The following STEAP2 variants were observed in gnomAD, a reference collection of about 807,000 sequenced individuals.
STEAP2 encodes the protein metalloreductase STEAP2.
A neutral mutation model predicts 46.4 loss-of-function variants in STEAP2; 30 were observed. The ratio of observed to expected loss-of-function variants is 0.65; its 90% confidence interval spans 0.48 to 0.88. STEAP2 has a LOEUF of 0.88. STEAP2 is among the 40% of genes least tolerant of loss of function. The pLI, the probability that STEAP2 is intolerant of heterozygous loss-of-function variation, is 0.00. For synonymous variants in STEAP2, 180 were observed against 200.5 expected (o/e 0.90, Z 0.86); for missense variants, 513 against 579.3 (o/e 0.89, Z 1.18).
chr7:90,233,836 C>CTTTAT lies in STEAP2; in HGVS notation c.*1212_*1213insTTTAT, dbSNP rs1319520902. 78 of 985,170 alleles carry CTTTAT rather than the reference C, an allele frequency of 7.9e-5. No homozygotes were observed. Among genetic ancestry groups the CTTTAT allele is most frequent in the Non-Finnish European group, 9.0e-5 (75 of 829,920 alleles). 61.0% of individuals were successfully genotyped at this position (985,170 alleles called of 1,614,324 possible). On this transcript the variant is annotated 3_prime_UTR_variant, in exon 6 of 6. Coordinates refer to ENST00000394621, the MANE Select transcript of STEAP2 (RefSeq NM_001244944.2). ...AGATGCTTCCTCTTTTGTATAAAGT[C>CTTTAT]ACTGACATTCTTTAGAGTGGGTTGG... is the stretch of plus-strand genomic sequence containing the variant.
In STEAP2 at chr7:90,233,786, T is replaced by C. The variant is rs1267051900; in HGVS notation, c.*1162T>C. ...CTCTAGAGCTCCCGCCGCGCCCCTATGCATTATGTTCACAATGCCAATCTA... is the reference window on the plus strand; with the variant it reads ...CTCTAGAGCTCCCGCCGCGCCCCTACGCATTATGTTCACAATGCCAATCTA... On this transcript the variant is annotated 3_prime_UTR_variant, in exon 6 of 6. Coordinates refer to ENST00000394621, the MANE Select transcript of STEAP2 (RefSeq NM_001244944.2). 4 of 985,434 alleles carry C rather than the reference T, an allele frequency of 4.1e-6. No homozygotes were observed. The highest frequency in any genetic ancestry group is 4.8e-6 in the Non-Finnish European group (4 of 829,940). 61.0% of individuals were successfully genotyped at this position (985,434 alleles called of 1,614,324 possible).
chr7:90,233,756 C>T lies in STEAP2; in HGVS notation c.*1132C>T, dbSNP rs1427396817. ...ATTCCAGAGGCCACGGTTTTAACCA[C>T]TAGGCTCTAGAGCTCCCGCCGCGCC... On this transcript the variant is annotated 3_prime_UTR_variant, in exon 6 of 6. Coordinates refer to ENST00000394621, the MANE Select transcript of STEAP2 (RefSeq NM_001244944.2). The T allele has an allele frequency of 6.1e-6, 6 of 985,238 alleles. No homozygotes were observed. In the Admixed American group the frequency reaches 3.7e-4, roughly 61 times the overall value. 61.0% of individuals were successfully genotyped at this position (985,238 alleles called of 1,614,324 possible). A position where few individuals can be genotyped will look rare whatever the true frequency, so the allele number is the denominator to read the frequency against.
Position 90,236,834 on chromosome 7 carries a change from G to T in STEAP2, c.*4210G>T. ...TTAAATCACAAAAGCAGATGCTTTT[G>T]TATGATCTCCAAATTGCCAACTTTA... On this transcript the variant is annotated 3_prime_UTR_variant, in exon 6 of 6. Coordinates refer to ENST00000394621, the MANE Select transcript of STEAP2 (RefSeq NM_001244944.2). 2 of 1,608,052 alleles carry T rather than the reference G, an allele frequency of 1.2e-6. No homozygotes were observed. Among genetic ancestry groups the T allele is most frequent in the Non-Finnish European group, 1.7e-6 (2 of 1,177,248 alleles).
chr7:90,235,300 T>A lies in STEAP2; in HGVS notation c.*2676T>A, dbSNP rs1485340988. On this transcript the variant is annotated 3_prime_UTR_variant, in exon 6 of 6. Transcript: ENST00000394621. Reference sequence around the variant, plus strand: ...TACAAAAACAGAATAATTTTGAAGTTTTAGAATAAATGTAATATATTTACT... The same window carrying A: ...TACAAAAACAGAATAATTTTGAAGTATTAGAATAAATGTAATATATTTACT... 1.0e-6 allele frequency: 1 copy of A among 965,966 alleles called. No individual in the cohort carries two copies. The highest frequency in any genetic ancestry group is 1.2e-6 in the Non-Finnish European group (1 of 812,178). The allele number at this position is 965,966 out of a possible 1,614,324, so 59.8% of individuals were successfully genotyped here.
At chr7:90,223,461 T>A (rs1020861047) in intron 2 of STEAP2, among the ~76,000 whole-genome samples, 1 of 152,242 alleles carries the variant, frequency 6.6e-6, no homozygotes, top group Non-Finnish European at 1.5e-5. Flanking sequence ...AGGGCAATTA[T>A]ACCTTTTACA....
At position 90,234,845 on chromosome 7, in the gene STEAP2, C is replaced by T. The variant is rs1195470932; in HGVS notation, c.*2221C>T. On this transcript the variant is annotated 3_prime_UTR_variant, in exon 6 of 6. Coordinates refer to ENST00000394621, the MANE Select transcript of STEAP2 (RefSeq NM_001244944.2). ...GGGATTACAGGTGTGAGCTACCGCG[C>T]CCGGCCTATTATCTTGTACTTTCTA... is the stretch of plus-strand genomic sequence containing the variant. 3 of 984,788 alleles carry T rather than the reference C, an allele frequency of 3.0e-6. No individual in the cohort carries two copies. Among genetic ancestry groups the T allele is most frequent in the South Asian group, 4.7e-5 (1 of 21,268 alleles). The allele number at this position is 984,788 out of a possible 1,614,324, so 61.0% of individuals were successfully genotyped here.
chr7:90,242,525 C>T (rs1471911744), downstream of STEAP2, among the ~76,000 whole-genome samples: 1 of 152,200 alleles, frequency 6.6e-6, no homozygotes, highest in Non-Finnish European at 1.5e-5. Flanking sequence ...GATGACCACA[C>T]AAAGGATATG....
Position 90,233,278 on chromosome 7 carries a change from C to A in STEAP2, c.*654C>A, listed in dbSNP as rs778459079. ...TGAAATACATACTGATAATACATAC[C>A]TCATGAAAGATTTTATTCTTTATTG... is the stretch of plus-strand genomic sequence containing the variant. On this transcript the variant is annotated 3_prime_UTR_variant, in exon 6 of 6. Transcript: ENST00000394621. 5.3e-6 allele frequency: 5 copies of A among 945,170 alleles called. No homozygotes were observed. Among genetic ancestry groups the A allele is most frequent in the Non-Finnish European group, 6.3e-6 (5 of 793,620 alleles). 58.5% of individuals were successfully genotyped at this position (945,170 alleles called of 1,614,324 possible).
chr7:90,212,646 G>A (rs1311644073), intron 1 of STEAP2, among the ~76,000 whole-genome samples: 1 of 152,160 alleles, frequency 6.6e-6, no homozygotes, highest in Admixed American at 6.5e-5. Flanking sequence ...AGAGCAGAGA[G>A]ATAAAGAGCA....
Position 90,229,536 on chromosome 7 carries a change from C to T in STEAP2, c.1021-336C>T, listed in dbSNP as rs577807976. Reference sequence around the variant, plus strand: ...CAAAACTAAGTTTAACTGTCAGTAACTTCTTTTGTGTCACCCTAGAACCAA... The same window carrying T: ...CAAAACTAAGTTTAACTGTCAGTAATTTCTTTTGTGTCACCCTAGAACCAA... On this transcript the variant is annotated intron_variant, in intron 4 of 5. Coordinates refer to ENST00000394621, the MANE Select transcript of STEAP2 (RefSeq NM_001244944.2). Among the ~76,000 whole-genome samples, 18 of 152,234 alleles carry T rather than the reference C, an allele frequency of 1.2e-4. No homozygotes were observed. The South Asian group carries it at 3.5e-3, about 30-fold the overall frequency.
chr7:90,224,985 T>G, intron 2 of STEAP2, 65 bp from the exon 3 acceptor site: 2 of 1,343,298 alleles, frequency 1.5e-6, no homozygotes, highest in Non-Finnish European at 1.0e-6. Flanking sequence ...GACATTACAA[T>G]GTCTAGAAGT....
At chr7:90,218,998 A>G (rs1795140735) in intron 2 of STEAP2, among the ~76,000 whole-genome samples, 1 of 151,678 alleles carries the variant, frequency 6.6e-6, no homozygotes, top group East Asian at 1.9e-4. Context: ...CCTTGGTTAA[A>G]TATATTCCTA....
Position 90,232,687 on chromosome 7 carries a change from T to C in STEAP2, c.*63T>C. The C allele has an allele frequency of 6.7e-7, 1 of 1,486,340 alleles. No individual in the cohort carries two copies. The highest frequency in any genetic ancestry group is 1.5e-5 in the South Asian group (1 of 67,434). The allele number at this position is 1,486,340 out of a possible 1,614,324, so 92.1% of individuals were successfully genotyped here. On this transcript the variant is annotated 3_prime_UTR_variant, in exon 6 of 6. Coordinates refer to ENST00000394621, the MANE Select transcript of STEAP2 (RefSeq NM_001244944.2). The stretch of plus-strand genomic sequence containing the variant: ...CTCATGCCATTATTTTTATGACTTC[T>C]ACGTTCAGTTACAAGTATGCTGTCA...
chr7:90,220,075 G>C (rs138380503), intron 2 of STEAP2, among the ~76,000 whole-genome samples: 133 of 152,266 alleles, frequency 8.7e-4, no homozygotes, highest in Non-Finnish European at 1.7e-3. Context: ...GTGCTCATCA[G>C]GAATAATAGT....
rs1399462751 is a variant in STEAP2 at position 90,236,977 on chromosome 7, C to G, written c.*4353C>G. ...CTCTACTTCTTTAAAAGCGGCTGCC[C>G]ATTACATTCCTCAGCTGTCCTTGCA... On this transcript the variant is annotated 3_prime_UTR_variant, in exon 6 of 6. Transcript: ENST00000394621. 6.2e-7 allele frequency: 1 copy of G among 1,613,140 alleles called. No individual in the cohort carries two copies. The highest frequency in any genetic ancestry group is 1.7e-5 in the Admixed American group (1 of 59,964).
At position 90,235,809 on chromosome 7, in the gene STEAP2, A is replaced by G; in HGVS notation, c.*3185A>G. The G allele has an allele frequency of 1.3e-6, 1 of 751,908 alleles. No individual in the cohort carries two copies. Among genetic ancestry groups the G allele is most frequent in the East Asian group, 1.3e-4 (1 of 7,742 alleles). The allele number at this position is 751,908 out of a possible 1,614,324, so 46.6% of individuals were successfully genotyped here. ...TGGAAATTTAGCCCAGATTGTCTAC[A>G]TATAAGGTTTTTATTTGAATTGTAA... On this transcript the variant is annotated 3_prime_UTR_variant, in exon 6 of 6. Coordinates refer to ENST00000394621, the MANE Select transcript of STEAP2 (RefSeq NM_001244944.2).
In STEAP2 at chr7:90,233,732, T is replaced by G; in HGVS notation, c.*1108T>G. ...GAGCATTCAAGTCCAGGTAGTCATA[T>G]TCCAGAGGCCACGGTTTTAACCACT... On this transcript the variant is annotated 3_prime_UTR_variant, in exon 6 of 6. Coordinates refer to ENST00000394621, the MANE Select transcript of STEAP2 (RefSeq NM_001244944.2). 1.0e-6 allele frequency: 1 copy of G among 983,460 alleles called. No homozygotes were observed. The highest frequency in any genetic ancestry group is 1.1e-4 in the East Asian group (1 of 8,798). 60.9% of individuals were successfully genotyped at this position (983,460 alleles called of 1,614,324 possible). A position where few individuals can be genotyped will look rare whatever the true frequency, so the allele number is the denominator to read the frequency against.
At chr7:90,217,248 T>G (rs979387409) in intron 2 of STEAP2, among the ~76,000 whole-genome samples, 4 of 151,994 alleles carry the variant, frequency 2.6e-5, no homozygotes, top group African/African-American at 9.7e-5. Context: ...ATTTATCATA[T>G]CTATGTGTTA....
intron 1 of STEAP2, among the ~76,000 whole-genome samples, chr7:90,212,646 G>T (rs1311644073): frequency 6.6e-6 from 1 of 152,160 alleles, no homozygotes; most frequent in African/African-American, 2.4e-5. Flanking sequence ...AGAGCAGAGA[G>T]ATAAAGAGCA....
Sources: gnomAD v4.1 joint callset for allele counts (sites outside exome capture counted in the v4.1 genomes callset) on GRCh38, gnomAD v4.1.1 for gene constraint, MANE v1.5 for transcripts, NCBI Gene and HGNC (gene_info 2026-07-23, HGNC 2026-07-21) for gene names.